Variants in TENM4 observed in about 807,000 individuals in gnomAD.
The protein encoded by TENM4 is teneurin-4.
In TENM4, 82 loss-of-function variants were observed where a neutral mutation model predicts 243.3. The observed-to-expected ratio is 0.34, with a 90% confidence interval of 0.28 to 0.40. The LOEUF (loss-of-function observed/expected upper bound fraction) is 0.40. TENM4 is among the 10% of genes least tolerant of loss of function. TENM4 has a pLI of 1.00. For missense variants in TENM4, 3,138 were observed against 3,673.3 expected, an observed-to-expected ratio of 0.85 and a Z score of 3.77; for synonymous variants, 1,412 against 1,456.3, an observed-to-expected ratio of 0.97 and a Z score of 0.69.
chr11:79,119,440 A>G (rs1861693570), intron 4 of TENM4, among the ~76,000 whole-genome samples: 1 of 152,132 alleles, frequency 6.6e-6, no homozygotes, highest in Non-Finnish European at 1.5e-5. Context: ...TTGATTTATA[A>G]CTATCTGAAA....
intron 21 of TENM4, among the ~76,000 whole-genome samples, chr11:78,730,719 G>A (rs1001645040): frequency 5.3e-5 from 8 of 152,180 alleles, no homozygotes; most frequent in African/African-American, 1.9e-4. Context: ...TCTATTCAAG[G>A]GACAATGGCT....
At chr11:78,814,892 G>A (rs1388469547) in intron 12 of TENM4, among the ~76,000 whole-genome samples, 4 of 152,080 alleles carry the variant, frequency 2.6e-5, no homozygotes, top group South Asian at 2.1e-4. Context: ...GGTCCCCACC[G>A]TCTCTCACTG....
intron 4 of TENM4, among the ~76,000 whole-genome samples, chr11:79,091,514 A>G (rs1210672451): frequency 6.6e-6 from 1 of 152,130 alleles, no homozygotes. Context: ...TCAGACCACA[A>G]TCCTGTCCCT....
intron 4 of TENM4, among the ~76,000 whole-genome samples, chr11:79,137,779 G>T (rs952342866): frequency 3.3e-5 from 5 of 152,112 alleles, no homozygotes; most frequent in African/African-American, 1.2e-4. Flanking sequence ...AATAGCATTT[G>T]GGTTGGGGAT....
intron 1 of TENM4, among the ~76,000 whole-genome samples, chr11:79,418,709 C>T (rs191748967): frequency 8.9e-4 from 136 of 152,308 alleles, no homozygotes; most frequent in Non-Finnish European, 9.9e-4. Flanking sequence ...TCTGTGAGAC[C>T]CTGCCTGACT....
At chr11:78,716,501 T>C (rs1336662364) in intron 25 of TENM4, among the ~76,000 whole-genome samples, 1 of 152,228 alleles carries the variant, frequency 6.6e-6, no homozygotes, top group Non-Finnish European at 1.5e-5. Flanking sequence ...TGATGCAGAA[T>C]AAGTACTCCA....
intron 4 of TENM4, among the ~76,000 whole-genome samples, chr11:79,144,683 A>G (rs1862362967): frequency 6.6e-6 from 1 of 152,088 alleles, no homozygotes; most frequent in Non-Finnish European, 1.5e-5. Context: ...CAGGCACAGA[A>G]AGACAAACTT....
At chr11:79,087,979 G>C (rs910182326) in intron 4 of TENM4, among the ~76,000 whole-genome samples, 1 of 152,192 alleles carries the variant, frequency 6.6e-6, no homozygotes, top group Admixed American at 6.5e-5. Context: ...CCGTGGGGAA[G>C]CTCTGGCCCT....
At chr11:79,304,697 G>A (rs72933013) in intron 1 of TENM4, among the ~76,000 whole-genome samples, 8,665 of 152,194 alleles carry the variant, frequency 0.057, 342 homozygotes, top group Non-Finnish European at 0.085. Context: ...CCAACCTACC[G>A]TGGCTTAGTG....
chr11:78,899,882 G>T (rs1855890357), intron 7 of TENM4, among the ~76,000 whole-genome samples: 1 of 152,184 alleles, frequency 6.6e-6, no homozygotes, highest in South Asian at 2.1e-4. Flanking sequence ...AAAGTCTGCA[G>T]AACTGTAAGC....
chr11:79,136,648 T>A (rs996416500), intron 4 of TENM4, among the ~76,000 whole-genome samples: 1 of 152,170 alleles, frequency 6.6e-6, no homozygotes, highest in South Asian at 2.1e-4. Context: ...CTGGAACAGA[T>A]ACTTGCTCCG....
Position 78,805,282 on chromosome 11 carries a change from C to CCCCCCCCCCACCCCCCCCCCCAAAA in TENM4, c.2179+9_2179+10insTTTTGGGGGGGGGGGTGGGGGGGGG. The CCCCCCCCCCACCCCCCCCCCCAAAA allele has an allele frequency of 2.0e-6, 2 of 995,566 alleles. No homozygotes were observed. The highest frequency in any genetic ancestry group is 4.6e-5 in the African/African-American group (1 of 21,690). The allele number at this position is 995,566 out of a possible 1,614,324, so 61.7% of individuals were successfully genotyped here. ...CCCTCTACCCATGCTTCTTCTCCCCCTGCATTTACCGATAGAACAGTCGTG... is the reference window on the plus strand; with the variant it reads ...CCCTCTACCCATGCTTCTTCTCCCCCCCCCCCCCCACCCCCCCCCCCAAAATGCATTTACCGATAGAACAGTCGTG... On this transcript the variant is annotated intron_variant, in intron 15 of 33. Coordinates refer to ENST00000278550, the MANE Select transcript of TENM4 (RefSeq NM_001098816.3).
intron 2 of TENM4, among the ~76,000 whole-genome samples, chr11:79,255,118 G>A (rs551783283): frequency 6.6e-6 from 1 of 152,330 alleles, no homozygotes; most frequent in South Asian, 2.1e-4. Context: ...AGAATTGGGG[G>A]CGTGGTGCAA....
intron 15 of TENM4, among the ~76,000 whole-genome samples, chr11:78,797,658 C>T (rs754163434): frequency 1.4e-4 from 22 of 152,326 alleles, no homozygotes; most frequent in Non-Finnish European, 2.8e-4. Context: ...CTGACCATCT[C>T]ATTGTGTCTA....
At chr11:79,336,660 C>A (rs1179587445) in intron 1 of TENM4, among the ~76,000 whole-genome samples, 1 of 152,168 alleles carries the variant, frequency 6.6e-6, no homozygotes, top group African/African-American at 2.4e-5. Context: ...AATTACAATG[C>A]CACTTTGAAA....
At chr11:79,279,230 A>T (rs999637580) in intron 2 of TENM4, among the ~76,000 whole-genome samples, 1 of 152,182 alleles carries the variant, frequency 6.6e-6, no homozygotes. Flanking sequence ...TCATTTTCAC[A>T]GCTGTTTCTT....
intron 2 of TENM4, among the ~76,000 whole-genome samples, chr11:79,283,490 A>C (rs1453583496): frequency 6.6e-6 from 1 of 152,180 alleles, no homozygotes; most frequent in Non-Finnish European, 1.5e-5. Context: ...TAGACATGGA[A>C]AAAGCACTTC....
intron 16 of TENM4, among the ~76,000 whole-genome samples, chr11:78,782,771 T>TA (rs111596686): frequency 0.28 from 36,798 of 131,502 alleles, 4,809 homozygotes; most frequent in Non-Finnish European, 0.36. Flanking sequence ...GTCTTTTTTT[T>TA]TAAAAAAAAA....
chr11:79,339,936 G>T (rs978627080), intron 1 of TENM4, among the ~76,000 whole-genome samples: 3 of 152,086 alleles, frequency 2.0e-5, no homozygotes, highest in Non-Finnish European at 4.4e-5. Flanking sequence ...ATGGGTGGGG[G>T]CCACAGGCAG....
Sources: gnomAD v4.1 joint callset for allele counts (sites outside exome capture counted in the v4.1 genomes callset) on GRCh38, gnomAD v4.1.1 for gene constraint, MANE v1.5 for transcripts, NCBI Gene and HGNC (gene_info 2026-07-23, HGNC 2026-07-21) for gene names.